MYLK3: variants seen among roughly 807,000 people sequenced by gnomAD.
The protein encoded by MYLK3 is MLC kinase.
In MYLK3, 55 loss-of-function variants were observed where a neutral mutation model predicts 76.3. The ratio of observed to expected loss-of-function variants is 0.72; its 90% CI spans 0.58 to 0.90. MYLK3 has a LOEUF of 0.90. MYLK3 is among the 40% of genes least tolerant of loss of function. MYLK3 has a pLI of 0.00. For missense variants in MYLK3, 973 were observed against 1,053.6 expected, an observed-to-expected ratio of 0.92 and a Z score of 1.06; for synonymous variants, 416 against 425.4, an observed-to-expected ratio of 0.98 and a Z score of 0.27.
intron 1 of MYLK3, among the ~76,000 whole-genome samples, chr16:46,745,427 A>G (rs1440506322): frequency 6.6e-6 from 1 of 152,174 alleles, no homozygotes; most frequent in Non-Finnish European, 1.5e-5. Context: ...GGCCAGGACA[A>G]TGTGAATAAC....
chr16:46,745,415 G>A (rs932797502), intron 1 of MYLK3, among the ~76,000 whole-genome samples: 1 of 152,024 alleles, frequency 6.6e-6, no homozygotes, highest in Non-Finnish European at 1.5e-5. Context: ...ATTAGAAATC[G>A]GGGCCAGGAC....
At chr16:46,716,222 G>A (rs923844990) in intron 9 of MYLK3, among the ~76,000 whole-genome samples, 10 of 152,172 alleles carry the variant, frequency 6.6e-5, no homozygotes, top group Middle Eastern at 3.4e-3. Context: ...TTCTGGTCCC[G>A]CCAGCAAATT....
rs145422318 is a variant in MYLK3 at position 46,747,819 on chromosome 16, G to A, written c.375C>T (p.Ile125=). 1.2e-4 allele frequency: 195 copies of A among 1,614,208 alleles called. No homozygotes were observed. The highest frequency in any genetic ancestry group is 1.6e-4 in the Middle Eastern group (1 of 6,062). ...FRMVAAVDRA[I]ALVGATFQKS... ...TCTGGAACGTGGCCCCCACCAAAGCGATGGCCCTGTCCACCGCAGCCACCA... is the reference window on the plus strand; with the variant it reads ...TCTGGAACGTGGCCCCCACCAAAGCAATGGCCCTGTCCACCGCAGCCACCA... The change falls in exon 1 of 13, where the codon ATC becomes ATT. Residue 125 remains isoleucine (I), a synonymous_variant. Coordinates refer to ENST00000394809, the MANE Select transcript of MYLK3 (RefSeq NM_182493.3).
intron 3 of MYLK3, 50 bp downstream of exon 3, chr16:46,737,661 G>A (rs753314518): frequency 1.3e-6 from 2 of 1,523,392 alleles, no homozygotes; most frequent in African/African-American, 1.4e-5. Context: ...CTCCAGCGAG[G>A]GGCCACAGTC....
At chr16:46,732,718 G>T in intron 3 of MYLK3, 50 bp from the exon 4 acceptor site, 1 of 1,392,358 alleles carries the variant, frequency 7.2e-7, no homozygotes, top group Non-Finnish European at 9.5e-7. Context: ...GGACTCTGGA[G>T]TCAGAACAGA....
At chr16:46,727,821 C>T (rs1015494120) in intron 7 of MYLK3, among the ~76,000 whole-genome samples, 18 of 152,320 alleles carry the variant, frequency 1.2e-4, no homozygotes, top group South Asian at 6.2e-4. Context: ...GCCACCCCGC[C>T]GGGCCTGCCA....
At chr16:46,715,907 C>G (rs919646776) in intron 9 of MYLK3, among the ~76,000 whole-genome samples, 1 of 152,226 alleles carries the variant, frequency 6.6e-6, no homozygotes, top group Non-Finnish European at 1.5e-5. Flanking sequence ...CCTTAACCTG[C>G]AAAACCCCCA....
intron 9 of MYLK3, among the ~76,000 whole-genome samples, chr16:46,715,072 A>T (rs1216040693): frequency 6.6e-6 from 1 of 152,212 alleles, no homozygotes; most frequent in Admixed American, 6.5e-5. Flanking sequence ...TCCACCATAG[A>T]GACACGATGG....
chr16:46,738,208 C>T, intron 2 of MYLK3, 65 bp from the exon 3 acceptor site: 2 of 1,353,954 alleles, frequency 1.5e-6, no homozygotes, highest in South Asian at 3.0e-5. Context: ...AAAGATACTG[C>T]AAGGAATCTG....
chr16:46,754,614 C>T (rs1413173509), intron 1 of MYLK3, among the ~76,000 whole-genome samples: 1 of 152,218 alleles, frequency 6.6e-6, no homozygotes, highest in Non-Finnish European at 1.5e-5. Flanking sequence ...GATGCAGCCC[C>T]TCAACCTTGG....
Position 46,712,628 on chromosome 16 carries a change from C to T in MYLK3, c.2114+20G>A. 1.4e-6 allele frequency: 2 copies of T among 1,432,218 alleles called. No individual in the cohort carries two copies. The highest frequency in any genetic ancestry group is 1.6e-5 in the South Asian group (1 of 62,970). 88.7% of individuals were successfully genotyped at this position (1,432,218 alleles called of 1,614,324 possible). On this transcript the variant is annotated intron_variant, in intron 10 of 12. Transcript: ENST00000394809. ...AATGACCCCTGTCCCCACTTCAGAG[C>T]CAGGGTGCTAAGCACTCACAGCATG...
In MYLK3 at chr16:46,732,557, G is replaced by T. The variant is rs1346626839; in HGVS notation, c.1113C>A (p.Gly371=). 1 of 1,600,622 alleles carries T rather than the reference G, an allele frequency of 6.2e-7. No homozygotes were observed. The highest frequency in any genetic ancestry group is 8.5e-7 in the Non-Finnish European group (1 of 1,179,592). The part of the protein sequence containing the change: ...TTEAPAAAQP[G]KQGPPGTGRC... Reference sequence around the variant, plus strand: ...GCCCGGTCCCAGGTGGGCCCTGCTTGCCTGGCTGGGCAGCTGCTGGAGCCT... The same window carrying T: ...GCCCGGTCCCAGGTGGGCCCTGCTTTCCTGGCTGGGCAGCTGCTGGAGCCT... The change falls in exon 4 of 13, where the codon GGC becomes GGA. Residue 371 remains glycine (G), a synonymous_variant. Transcript: ENST00000394809.
intron 1 of MYLK3, chr16:46,763,035 C>CATA (rs1336678272): frequency 2.0e-6 from 2 of 985,370 alleles, no homozygotes; most frequent in African/African-American, 3.5e-5. Flanking sequence ...ACTGCACTTA[C>CATA]ATACCACTTT....
Position 46,721,200 on chromosome 16 carries a change from A to G in MYLK3, c.1915-7T>C. Reference sequence around the variant, plus strand: ...CGCACAATATGTTCTCCGGCTGGGAAAGAAAGAAGTCTGCTTAGCCCAAGC... The same window carrying G: ...CGCACAATATGTTCTCCGGCTGGGAGAGAAAGAAGTCTGCTTAGCCCAAGC... On this transcript the variant is annotated splice_region_variant and splice_polypyrimidine_tract_variant and intron_variant, in intron 8 of 12. Coordinates refer to ENST00000394809, the MANE Select transcript of MYLK3 (RefSeq NM_182493.3). 6.2e-7 allele frequency: 1 copy of G among 1,614,088 alleles called. No homozygotes were observed. The highest frequency in any genetic ancestry group is 8.5e-7 in the Non-Finnish European group (1 of 1,179,910).
intron 8 of MYLK3, among the ~76,000 whole-genome samples, chr16:46,723,003 A>G (rs990054345): frequency 6.6e-6 from 1 of 152,112 alleles, no homozygotes; most frequent in African/African-American, 2.4e-5. Context: ...TGAGCCCCTC[A>G]CCATTTTAAA....
At chr16:46,759,566 A>G (rs139754101) in intron 1 of MYLK3, among the ~76,000 whole-genome samples, 2,449 of 152,260 alleles carry the variant, frequency 0.016, 37 homozygotes, top group Non-Finnish European at 0.024. Flanking sequence ...GAGTTTGCCT[A>G]CAACTGAGGG....
At chr16:46,754,467 C>T (rs1967171416) in intron 1 of MYLK3, among the ~76,000 whole-genome samples, 1 of 152,088 alleles carries the variant, frequency 6.6e-6, no homozygotes, top group South Asian at 2.1e-4. Flanking sequence ...AATAGGTTAT[C>T]ATGGGAGTGG....
intron 1 of MYLK3, 36 bp downstream of exon 1, chr16:46,747,681 C>T (rs1359936331): frequency 1.9e-6 from 3 of 1,580,578 alleles, no homozygotes. Flanking sequence ...GGGCCGGGGC[C>T]TCCCATCCAG....
At chr16:46,714,428 G>C (rs1966716159) in intron 9 of MYLK3, among the ~76,000 whole-genome samples, 2 of 152,252 alleles carry the variant, frequency 1.3e-5, no homozygotes, top group South Asian at 4.2e-4. Flanking sequence ...CAACACAGCT[G>C]AGCCCATCCA....
Sources: gnomAD v4.1 joint callset for allele counts (sites outside exome capture counted in the v4.1 genomes callset) on GRCh38, gnomAD v4.1.1 for gene constraint, MANE v1.5 for transcripts, NCBI Gene and HGNC (gene_info 2026-07-23, HGNC 2026-07-21) for gene names.